Variants in FTO observed in about 807,000 individuals in gnomAD.
FTO encodes the protein alpha-ketoglutarate-dependent dioxygenase FTO.
FTO carries 47 observed loss-of-function variants against 63.9 expected under a neutral mutation model. That is an observed-to-expected ratio of 0.74 (90% CI 0.58 to 0.94). The LOEUF (loss-of-function observed/expected upper bound fraction) is 0.94, where lower values mean the gene tolerates loss of function less well. FTO is among the 40% of genes least tolerant of loss of function. The pLI is 0.00. For missense variants in FTO, 562 were observed against 618.1 expected, an observed-to-expected ratio of 0.91 and a Z score of 0.96; for synonymous variants, 207 against 224.4, an observed-to-expected ratio of 0.92 and a Z score of 0.69.
intron 8 of FTO, among the ~76,000 whole-genome samples, chr16:54,068,084 A>G (rs1272108036): frequency 1.3e-5 from 2 of 151,662 alleles, no homozygotes; most frequent in African/African-American, 4.9e-5. Context: ...CCTGTGTGCT[A>G]CCTTCAGCTT....
At chr16:53,708,782 G>A (rs879391759) in intron 1 of FTO, among the ~76,000 whole-genome samples, 1 of 152,118 alleles carries the variant, frequency 6.6e-6, no homozygotes, top group Non-Finnish European at 1.5e-5. Flanking sequence ...ATAATGTTAT[G>A]CATCTTCTCA....
intron 7 of FTO, among the ~76,000 whole-genome samples, chr16:53,930,719 G>A (rs909575421): frequency 2.0e-5 from 3 of 152,116 alleles, no homozygotes; most frequent in Non-Finnish European, 4.4e-5. Flanking sequence ...AGAATTATGA[G>A]GATGTGCTAG....
At chr16:54,039,716 G>A (rs574963241) in intron 8 of FTO, 1 of 152,304 alleles carries the variant, frequency 6.6e-6, no homozygotes, top group Non-Finnish European at 1.5e-5. Flanking sequence ...GTACTAAAAG[G>A]AGCTACAAAG....
chr16:53,718,246 C>T (rs368350985), intron 1 of FTO, among the ~76,000 whole-genome samples: 16 of 151,868 alleles, frequency 1.1e-4, no homozygotes, highest in East Asian at 3.9e-4. Flanking sequence ...ATGTAAAATA[C>T]GTGGGTATTT....
chr16:53,843,585 T>A (rs1296933227), intron 3 of FTO, among the ~76,000 whole-genome samples: 1 of 152,188 alleles, frequency 6.6e-6, no homozygotes, highest in Non-Finnish European at 1.5e-5. Flanking sequence ...TTTATATATT[T>A]AGAAAAACAT....
At chr16:53,894,336 T>C (rs1021763105) in intron 7 of FTO, among the ~76,000 whole-genome samples, 5 of 152,180 alleles carry the variant, frequency 3.3e-5, no homozygotes, top group Non-Finnish European at 7.4e-5. Flanking sequence ...TACATAGTCA[T>C]AGGGAATGAC....
chr16:53,894,946 A>T (rs1324522625), intron 7 of FTO, among the ~76,000 whole-genome samples: 2 of 152,132 alleles, frequency 1.3e-5, no homozygotes, highest in Non-Finnish European at 2.9e-5. Context: ...GAGTTTTAGG[A>T]CCTTTACGTT....
chr16:53,792,085 A>AT (rs1379296230), intron 1 of FTO, among the ~76,000 whole-genome samples: 6 of 151,916 alleles, frequency 3.9e-5, no homozygotes, highest in Admixed American at 1.3e-4. Flanking sequence ...CAAAAAAAAA[A>AT]AAAAAAAATA....
chr16:53,871,890 C>A (rs144188500), intron 4 of FTO, among the ~76,000 whole-genome samples: 2 of 151,966 alleles, frequency 1.3e-5, no homozygotes, highest in Admixed American at 6.6e-5. Context: ...CCATGCCCAG[C>A]GAATTTTTGT....
intron 1 of FTO, among the ~76,000 whole-genome samples, chr16:53,761,679 C>G (rs757224139): frequency 6.6e-6 from 1 of 152,142 alleles, no homozygotes; most frequent in Non-Finnish European, 1.5e-5. Flanking sequence ...CCCTGGGAGA[C>G]TCCTGCTCAG....
At chr16:53,933,299 A>C (rs780823034) in intron 7 of FTO, among the ~76,000 whole-genome samples, 3 of 152,164 alleles carry the variant, frequency 2.0e-5, no homozygotes. Flanking sequence ...TCCTTTTAGC[A>C]ATTGCTTTGG....
intron 8 of FTO, among the ~76,000 whole-genome samples, chr16:54,010,773 G>A (rs576750517): frequency 2.6e-5 from 4 of 152,116 alleles, no homozygotes; most frequent in Non-Finnish European, 5.9e-5. Context: ...CTGGGTGAAC[G>A]GCCAGGTGTT....
intron 8 of FTO, among the ~76,000 whole-genome samples, chr16:53,938,723 C>T (rs1002640843): frequency 5.3e-5 from 8 of 152,094 alleles, no homozygotes; most frequent in East Asian, 3.9e-4. Flanking sequence ...CACAACAGAG[C>T]GGCAAGTTCT....
At chr16:53,883,622 C>CTAA (rs2080906990) in intron 6 of FTO, among the ~76,000 whole-genome samples, 1 of 59,384 alleles carries the variant, frequency 1.7e-5, no homozygotes, top group African/African-American at 8.4e-5. Flanking sequence ...AACTCTATCT[C>CTAA]AAAAAAAAAA....
intron 8 of FTO, among the ~76,000 whole-genome samples, chr16:54,015,002 C>T (rs1423948160): frequency 1.3e-5 from 2 of 149,192 alleles, no homozygotes; most frequent in South Asian, 2.2e-4. Context: ...ACTATAGGTA[C>T]ACACCACTGC....
intron 8 of FTO, among the ~76,000 whole-genome samples, chr16:54,025,635 A>T (rs2084695775): frequency 6.6e-6 from 1 of 151,898 alleles, no homozygotes. Flanking sequence ...AGGTGGGAGG[A>T]TTACTTCAAC....
At chr16:54,086,057 C>T (rs1339178314) in intron 8 of FTO, among the ~76,000 whole-genome samples, 1 of 152,164 alleles carries the variant, frequency 6.6e-6, no homozygotes, top group African/African-American at 2.4e-5. Context: ...GGCCTCCAGG[C>T]AGAGCACATT....
In FTO at chr16:53,947,686, A is replaced by G. The variant is rs186117743; in HGVS notation, c.1364+13577A>G. Among the ~76,000 whole-genome samples the G allele has an allele frequency of 3.3e-5, 5 of 151,998 alleles. No homozygotes were observed. In the East Asian group the frequency reaches 9.7e-4, roughly 29 times the overall value. On this transcript the variant is annotated intron_variant, in intron 8 of 8. Coordinates refer to ENST00000471389, the MANE Select transcript of FTO (RefSeq NM_001080432.3). The stretch of plus-strand genomic sequence containing the variant: ...GTTATCTTATTGGGATAATAAACAC[A>G]CTCCTTTTCTATTTCCTCACACGAA...
At chr16:53,739,338 T>C (rs1334176710) in intron 1 of FTO, among the ~76,000 whole-genome samples, 6 of 151,272 alleles carry the variant, frequency 4.0e-5, no homozygotes, top group African/African-American at 1.2e-4. Flanking sequence ...CCCCAGTAGC[T>C]GGGACTATAG....
Sources: gnomAD v4.1 joint callset for allele counts (sites outside exome capture counted in the v4.1 genomes callset) on GRCh38, gnomAD v4.1.1 for gene constraint, MANE v1.5 for transcripts, NCBI Gene and HGNC (gene_info 2026-07-23, HGNC 2026-07-21) for gene names.